OSBPL10: variants seen among roughly 807,000 people sequenced by gnomAD.
OSBPL10 encodes the protein oxysterol binding protein like 10.
Under a neutral mutation model 81.7 loss-of-function variants are expected in OSBPL10, and 49 were observed. The ratio of observed to expected loss-of-function variants is 0.60; its 90% CI spans 0.48 to 0.76. The LOEUF is 0.76. OSBPL10 is among the 30% of genes least tolerant of loss of function. The pLI is 0.00. For missense variants in OSBPL10, 923 were observed against 987.8 expected (o/e 0.93, Z 0.88); for synonymous variants, 419 against 383.6 (o/e 1.09, Z -1.08).
intron 7 of OSBPL10, among the ~76,000 whole-genome samples, chr3:31,692,355 T>A (rs947956141): frequency 2.0e-5 from 3 of 152,142 alleles, no homozygotes; most frequent in Admixed American, 1.3e-4. Context: ...CTACCTAGTA[T>A]CCAGGAAACG....
intron 4 of OSBPL10, among the ~76,000 whole-genome samples, chr3:31,791,836 C>T (rs1373908964): frequency 6.8e-6 from 1 of 146,880 alleles, no homozygotes; most frequent in Non-Finnish European, 1.5e-5. Flanking sequence ...TCAAAGACTA[C>T]ATTTACAAAG....
At chr3:31,858,134 G>A (rs989676395) in intron 3 of OSBPL10, among the ~76,000 whole-genome samples, 1 of 151,410 alleles carries the variant, frequency 6.6e-6, no homozygotes, top group Non-Finnish European at 1.5e-5. Flanking sequence ...GTATCTAGCT[G>A]GAACTACAGG....
intron 5 of OSBPL10, among the ~76,000 whole-genome samples, chr3:31,747,585 C>T (rs2125696567): frequency 6.6e-6 from 1 of 150,598 alleles, no homozygotes; most frequent in South Asian, 2.1e-4. Context: ...GAAAGGTGTT[C>T]CATAGTATTT....
At chr3:31,865,431 T>C (rs1266970213) in intron 3 of OSBPL10, among the ~76,000 whole-genome samples, 3 of 152,222 alleles carry the variant, frequency 2.0e-5, no homozygotes, top group Admixed American at 6.5e-5. Flanking sequence ...TATTTTCTTA[T>C]CCCTTTTCAT....
intron 2 of OSBPL10, among the ~76,000 whole-genome samples, chr3:32,009,768 T>C (rs1342815504): frequency 6.6e-6 from 1 of 152,098 alleles, no homozygotes; most frequent in Non-Finnish European, 1.5e-5. Flanking sequence ...AACTGAAAAA[T>C]AATGGCACTG....
intron 1 of OSBPL10, among the ~76,000 whole-genome samples, chr3:31,967,180 T>C (rs1192669446): frequency 6.6e-6 from 1 of 152,166 alleles, no homozygotes; most frequent in Non-Finnish European, 1.5e-5. Flanking sequence ...ATTCCCTCAC[T>C]GAGACATCTT....
At chr3:31,920,866 C>G (rs1292247797) in intron 1 of OSBPL10, among the ~76,000 whole-genome samples, 2 of 152,150 alleles carry the variant, frequency 1.3e-5, no homozygotes, top group Non-Finnish European at 2.9e-5. Flanking sequence ...ACTAGCTCCC[C>G]CTTCACCTTC....
At chr3:31,741,652 A>G (rs1433066699) in intron 5 of OSBPL10, among the ~76,000 whole-genome samples, 4 of 152,230 alleles carry the variant, frequency 2.6e-5, no homozygotes. Context: ...TATCTGAAAT[A>G]TTCTACAATG....
intron 3 of OSBPL10, among the ~76,000 whole-genome samples, chr3:31,848,881 G>A (rs1301614472): frequency 1.3e-5 from 2 of 152,244 alleles, no homozygotes; most frequent in African/African-American, 4.8e-5. Flanking sequence ...TCTGTTGCAA[G>A]TAACAGAAAA....
chr3:31,674,354 G>C (rs923867755), intron 8 of OSBPL10, among the ~76,000 whole-genome samples: 1 of 152,100 alleles, frequency 6.6e-6, no homozygotes, highest in Non-Finnish European at 1.5e-5. Flanking sequence ...AGGAGTTTGA[G>C]ACCAGCCTGG....
intron 1 of OSBPL10, among the ~76,000 whole-genome samples, chr3:31,893,502 CCTA>C (rs1214652794): frequency 6.6e-6 from 1 of 152,150 alleles, no homozygotes; most frequent in Non-Finnish European, 1.5e-5. Flanking sequence ...ATAAACTTAA[CCTA>C]CAACACATCA....
chr3:31,834,459 CAA>C (rs1009542666), intron 3 of OSBPL10, among the ~76,000 whole-genome samples: 2 of 152,080 alleles, frequency 1.3e-5, no homozygotes, highest in Admixed American at 6.5e-5. Flanking sequence ...TGCGGGACAG[CAA>C]AAAAGAGTGT....
In OSBPL10 at chr3:32,065,954, A is replaced by T. The variant is rs1296679575; in HGVS notation, n.185+11442T>A. ...GAAGGAAAGAAGAAAGAAGAAAGAAAGAAAGAAAGAAAGAAAGAAAGAAAG... is the reference window on the plus strand; with the variant it reads ...GAAGGAAAGAAGAAAGAAGAAAGAATGAAAGAAAGAAAGAAAGAAAGAAAG... On this transcript the variant is annotated intron_variant and non_coding_transcript_variant, in intron 1 of 3. Coordinates refer to the OSBPL10 transcript ENST00000479173. Among the ~76,000 whole-genome samples the T allele has an allele frequency of 1.4e-4, 6 of 44,372 alleles. 2 individuals are homozygous for T. Among genetic ancestry groups the T allele is most frequent in the African/African-American group, 3.3e-4 (6 of 18,408 alleles). 29.1% of individuals were successfully genotyped at this position (44,372 alleles called of 152,430 possible).
chr3:31,799,922 C>T (rs769086359), intron 4 of OSBPL10, among the ~76,000 whole-genome samples: 1 of 152,196 alleles, frequency 6.6e-6, no homozygotes, highest in Non-Finnish European at 1.5e-5. Context: ...ATTGGCCAGG[C>T]TGGTCTCGAA....
intron 1 of OSBPL10, among the ~76,000 whole-genome samples, chr3:31,887,430 C>T (rs1695766014): frequency 6.6e-6 from 1 of 152,156 alleles, no homozygotes; most frequent in Non-Finnish European, 1.5e-5. Context: ...GATCAACAGA[C>T]TAAAGTCAGC....
chr3:32,044,566 A>G (rs1245681416), intron 2 of OSBPL10, among the ~76,000 whole-genome samples: 1 of 151,262 alleles, frequency 6.6e-6, no homozygotes, highest in East Asian at 1.9e-4. Flanking sequence ...AACAGGAGAA[A>G]CCCAGTCTCT....
intron 2 of OSBPL10, chr3:31,990,667 A>T (rs764060723): frequency 6.2e-7 from 1 of 1,614,168 alleles, no homozygotes; most frequent in South Asian, 1.1e-5. Flanking sequence ...ACGTCATCAT[A>T]GACTTCATAC....
At position 31,883,662 on chromosome 3, in the gene OSBPL10, G is replaced by C. The variant is rs1339560231; in HGVS notation, c.282-3832C>G. 3.9e-5 allele frequency among the ~76,000 whole-genome samples: 6 copies of C among 151,914 alleles called. No homozygotes were observed. In the South Asian group the frequency reaches 1.2e-3, roughly 32 times the overall value. On this transcript the variant is annotated intron_variant, in intron 1 of 11. Transcript: ENST00000396556. ...TTCTCCTGCCTCAGCCTCCCGAGTAGCTGAGATTACAGGCGCTTGCCACTA... is the reference window on the plus strand; with the variant it reads ...TTCTCCTGCCTCAGCCTCCCGAGTACCTGAGATTACAGGCGCTTGCCACTA...
At chr3:31,982,606 TTG>T (rs1342151839), upstream of OSBPL10, among the ~76,000 whole-genome samples, 1 of 151,996 alleles carries the variant, frequency 6.6e-6, no homozygotes, top group African/African-American at 2.4e-5. Context: ...AGAGAAGTGG[TTG>T]TGCCCCTGAG....
Sources: gnomAD v4.1 joint callset for allele counts (sites outside exome capture counted in the v4.1 genomes callset) on GRCh38, gnomAD v4.1.1 for gene constraint, MANE v1.5 for transcripts, NCBI Gene and HGNC (gene_info 2026-07-23, HGNC 2026-07-21) for gene names.